STRA6: variants seen among roughly 807,000 people sequenced by gnomAD.
STRA6 encodes the protein signaling receptor and transporter of retinol STRA6, also known as receptor for retinol uptake STRA6.
A neutral mutation model predicts 83.6 loss-of-function variants in STRA6; 48 were observed. That is an observed-to-expected ratio of 0.57 (90% confidence interval 0.46 to 0.73). The LOEUF (loss-of-function observed/expected upper bound fraction) is 0.73. STRA6 is among the 30% of genes least tolerant of loss of function. The pLI is 0.00. For synonymous variants in STRA6, 353 were observed against 362.3 expected, an observed-to-expected ratio of 0.97 and a Z score of 0.29; for missense variants, 760 against 838.8, an observed-to-expected ratio of 0.91 and a Z score of 1.16.
At position 74,202,231 on chromosome 15, in the gene STRA6, C is replaced by CGG. The variant is rs1555457919; in HGVS notation, c.35_36dup (p.Gly13ProfsTer60). The CGG allele has an allele frequency of 7.8e-6, 12 of 1,535,716 alleles. No individual in the cohort carries two copies. Among genetic ancestry groups the CGG allele is most frequent in the Non-Finnish European group, 1.0e-5 (12 of 1,147,494 alleles). ...CCATAGGAGTAGTCCTCTGTGGCCC[C>CGG]GGGGGAGGTCTGGTTCCCTGCTGGC... On this transcript the variant is annotated frameshift_variant, in exon 2 of 19. Transcript: ENST00000395105. LOFTEE classifies it high-confidence loss of function.
At chr15:74,208,916 T>C in exon 1 of STRA6, 1 of 990,978 alleles carries the variant, frequency 1.0e-6, no homozygotes, top group African/African-American at 1.7e-5. Context: ...CGGGGCCTTC[T>C]CCTCTGAGCC....
rs1039934722 is a variant in STRA6 at position 74,188,639 on chromosome 15, G to C, written c.1090+476C>G. On this transcript the variant is annotated intron_variant, in intron 12 of 18. Transcript: ENST00000395105. This position sits in a 1 kb window ranked among gnomAD's most constrained non-coding sequence, Gnocchi z 4.5. ...GCCAAGATGGTTCCCTGGTTCAGGAGCTCATTGTCAGAGGAGGGAAGGAGA... is the reference window on the plus strand; with the variant it reads ...GCCAAGATGGTTCCCTGGTTCAGGACCTCATTGTCAGAGGAGGGAAGGAGA... Among the ~76,000 whole-genome samples, 1 of 152,188 alleles carries C rather than the reference G, an allele frequency of 6.6e-6. No homozygotes were observed. Among genetic ancestry groups the C allele is most frequent in the Admixed American group, 6.5e-5 (1 of 15,290 alleles).
At chr15:74,184,078 A>G (rs1376035954) in intron 13 of STRA6, 89 bp from the exon 14 acceptor site, 2 of 1,573,814 alleles carry the variant, frequency 1.3e-6, no homozygotes, top group East Asian at 2.3e-5. Flanking sequence ...CCAAACTCCC[A>G]ATAGAATTTC....
At chr15:74,184,668 G>A (rs1188326799) in intron 13 of STRA6, among the ~76,000 whole-genome samples, 3 of 152,206 alleles carry the variant, frequency 2.0e-5, no homozygotes, top group African/African-American at 7.2e-5. Context: ...AGCTTCCCCA[G>A]GCCACCTTCC....
Position 74,188,984 on chromosome 15 carries a change from T to A in STRA6, c.1090+131A>T. 1 of 1,150,300 alleles carries A rather than the reference T, an allele frequency of 8.7e-7. No individual in the cohort carries two copies. The highest frequency in any genetic ancestry group is 1.2e-6 in the Non-Finnish European group (1 of 806,204). 71.3% of individuals were successfully genotyped at this position (1,150,300 alleles called of 1,614,324 possible). On this transcript the variant is annotated intron_variant, in intron 12 of 18. Transcript: ENST00000395105. This position sits in a 1 kb window ranked among gnomAD's most constrained non-coding sequence, Gnocchi z 4.5. ...CTGCCACAATTTGGAGATGAGGCAA[T>A]CGAGACCCAGAGAGAGGAAGGAATG...
At chr15:74,209,377 A>T (rs2074332500), upstream of STRA6, 8 of 1,535,466 alleles carry the variant, frequency 5.2e-6, no homozygotes, top group Non-Finnish European at 7.0e-6. Flanking sequence ...GTCCCCATCC[A>T]TCACTCCCAG....
Position 74,181,610 on chromosome 15 carries a change from C to T in STRA6, c.1521-152G>A, listed in dbSNP as rs1454683526. 5.4e-6 allele frequency: 6 copies of T among 1,115,352 alleles called. No individual in the cohort carries two copies. In the East Asian group the frequency reaches 1.6e-4, roughly 29 times the overall value. 69.1% of individuals were successfully genotyped at this position (1,115,352 alleles called of 1,614,324 possible). A position where few individuals can be genotyped will look rare whatever the true frequency, so the allele number is the denominator to read the frequency against. Reference sequence around the variant, plus strand: ...CTGTGCACCCCACCCTGGGCAAGGCCTTCTCTCTTTCAACCCACCATGCTG... The same window carrying T: ...CTGTGCACCCCACCCTGGGCAAGGCTTTCTCTCTTTCAACCCACCATGCTG... On this transcript the variant is annotated intron_variant, in intron 16 of 18. Coordinates refer to ENST00000395105, the MANE Select transcript of STRA6 (RefSeq NM_022369.4).
intron 2 of STRA6, 114 bp downstream of exon 2, chr15:74,202,041 G>T: frequency 7.9e-7 from 1 of 1,259,632 alleles, no homozygotes; most frequent in Non-Finnish European, 1.0e-6. Flanking sequence ...CAAATGAGTG[G>T]CAGAGCCAGA....
Position 74,195,683 on chromosome 15 carries a change from A to C in STRA6, c.407-8T>G, listed in dbSNP as rs2073779888. The C allele has an allele frequency of 2.2e-6, 3 of 1,338,014 alleles. No homozygotes were observed. The highest frequency in any genetic ancestry group is 3.1e-6 in the Non-Finnish European group (3 of 952,408). 82.9% of individuals were successfully genotyped at this position (1,338,014 alleles called of 1,614,324 possible). ...GAGCCTCAGTTTTCCCATCTGTAAA[A>C]TGAAAATAATCACAGTATATTAGCA... On this transcript the variant is annotated splice_region_variant and splice_polypyrimidine_tract_variant and intron_variant, in intron 5 of 18. Coordinates refer to ENST00000395105, the MANE Select transcript of STRA6 (RefSeq NM_022369.4).
chr15:74,180,254 C>G lies in STRA6; in HGVS notation c.1841-11G>C, dbSNP rs558890684. The G allele has an allele frequency of 6.2e-7, 1 of 1,614,052 alleles. No homozygotes were observed. The highest frequency in any genetic ancestry group is 8.5e-7 in the Non-Finnish European group (1 of 1,180,012). ...GTAGCAGCTGCATCCCTGAGAGAGA[C>G]GGACTTTCTGTGAGTCACTCAGCAA... On this transcript the variant is annotated splice_polypyrimidine_tract_variant and intron_variant, in intron 18 of 18. Coordinates refer to ENST00000395105, the MANE Select transcript of STRA6 (RefSeq NM_022369.4).
intron 1 of STRA6, among the ~76,000 whole-genome samples, chr15:74,208,468 C>A (rs374152187): frequency 3.9e-5 from 6 of 152,144 alleles, no homozygotes; most frequent in Non-Finnish European, 8.8e-5. Flanking sequence ...GGGCAGATCC[C>A]CTGACTTCTC....
At chr15:74,205,096 G>A (rs949587957), upstream of STRA6, among the ~76,000 whole-genome samples, 1 of 152,216 alleles carries the variant, frequency 6.6e-6, no homozygotes, top group African/African-American at 2.4e-5. Context: ...CACCAGAGGG[G>A]AAGTGAAGTG....
At chr15:74,195,872 C>T (rs1029519873) in intron 5 of STRA6, 136 bp downstream of exon 5, 5 of 1,300,534 alleles carry the variant, frequency 3.8e-6, no homozygotes, top group Non-Finnish European at 5.3e-6. Flanking sequence ...AAAAAGGTCA[C>T]GTCTCAGGAT....
At chr15:74,191,108 T>C in intron 10 of STRA6, 59 bp downstream of exon 10, 1 of 1,599,728 alleles carries the variant, frequency 6.3e-7, no homozygotes, top group South Asian at 1.1e-5. Context: ...CTGCAGCCAT[T>C]CTGTGCAAGG....
At chr15:74,197,586 G>T in intron 3 of STRA6, 163 bp from the exon 4 acceptor site, 1 of 1,119,110 alleles carries the variant, frequency 8.9e-7, no homozygotes, top group Non-Finnish European at 1.3e-6. Context: ...CTGGAAGGTT[G>T]GACTTGCATC....
chr15:74,196,086 G>T lies in STRA6; in HGVS notation c.328C>A (p.Leu110Ile). 6.2e-7 allele frequency: 1 copy of T among 1,614,072 alleles called. No individual in the cohort carries two copies. Among genetic ancestry groups the T allele is most frequent in the Non-Finnish European group, 8.5e-7 (1 of 1,180,016 alleles). Reference protein sequence around the residue: ...RAVPAAVFMVLLSSLCLLLPD... With the variant: ...RAVPAAVFMVILSSLCLLLPD... ...AGCAGCAAACACAGGGAGCTCAGGA[G>T]GACCATGAAAACAGCAGCAGGCACT... Residue 110 changes from leucine to isoleucine, a missense_variant, in exon 5 of 19, where the codon CTC becomes ATC. Physicochemically the swap from Leu to Ile is conservative, Grantham distance 5. Coordinates refer to ENST00000395105, the MANE Select transcript of STRA6 (RefSeq NM_022369.4).
chr15:74,201,523 G>A (rs2074063168), intron 2 of STRA6, among the ~76,000 whole-genome samples: 1 of 152,112 alleles, frequency 6.6e-6, no homozygotes, highest in African/African-American at 2.4e-5. Flanking sequence ...AGCTGTGGCT[G>A]GGTTCTCAGG....
chr15:74,211,153 GCACACACACACACACACA>G (rs71137380), upstream of STRA6, among the ~76,000 whole-genome samples: 4 of 148,684 alleles, frequency 2.7e-5, 1 homozygote, highest in Admixed American at 2.7e-4. Flanking sequence ...GCACGCACAC[GCACACACACACACACACA>G]CACACACACA....
At position 74,196,069 on chromosome 15, in the gene STRA6, A is replaced by G; in HGVS notation, c.345T>C (p.Cys115=). The G allele has an allele frequency of 6.2e-7, 1 of 1,614,018 alleles. No individual in the cohort carries two copies. Among genetic ancestry groups the G allele is most frequent in the African/African-American group, 1.3e-5 (1 of 75,014 alleles). ...AVFMVLLSSL[C]LLLPDEDALP... ...ATGCGTCCTCGTCGGGGAGCAGCAA[A>G]CACAGGGAGCTCAGGAGGACCATGA... Residue 115 remains cysteine (C), a synonymous_variant, in exon 5 of 19, where the codon TGT becomes TGC. Coordinates refer to ENST00000395105, the MANE Select transcript of STRA6 (RefSeq NM_022369.4).
Sources: gnomAD v4.1 joint callset for allele counts (sites outside exome capture counted in the v4.1 genomes callset) on GRCh38, gnomAD v4.1.1 for gene constraint, Gnocchi (gnomAD v3.1) non-coding constraint, MANE v1.5 for transcripts, NCBI Gene and HGNC (gene_info 2026-07-23, HGNC 2026-07-21) for gene names.